Variants in KDM4C observed in about 807,000 individuals in gnomAD.
The protein encoded by KDM4C is lysine-specific demethylase 4C.
In KDM4C, 81 loss-of-function variants were observed where a neutral mutation model predicts 129.3. That is an observed-to-expected ratio of 0.63 (90% CI 0.52 to 0.75). The LOEUF is 0.75. Among genes scored for constraint, KDM4C ranks in the 30% least tolerant of loss-of-function variants. KDM4C has a pLI of 0.00. For synonymous variants in KDM4C, 573 were observed against 456.1 expected (o/e 1.26, Z -3.26); for missense variants, 1,457 against 1,304.0 (o/e 1.12, Z -1.81).
chr9:7,031,649 A>T (rs189954789), intron 15 of KDM4C, among the ~76,000 whole-genome samples: 118 of 152,276 alleles, frequency 7.7e-4, no homozygotes, highest in Middle Eastern at 6.8e-3. Flanking sequence ...ATGTATATAT[A>T]AACAGCCACC....
At chr9:6,854,525 CAAAAAAAAAAA>C (rs1177446839) in intron 5 of KDM4C, among the ~76,000 whole-genome samples, 8 of 41,362 alleles carry the variant, frequency 1.9e-4, no homozygotes, top group East Asian at 6.4e-4. Context: ...AACTCCGTCT[CAAAAAAAAAAA>C]AAAAAAAAAC....
chr9:7,076,067 C>G (rs554804166), intron 17 of KDM4C, among the ~76,000 whole-genome samples: 1 of 152,290 alleles, frequency 6.6e-6, no homozygotes, highest in East Asian at 1.9e-4. Flanking sequence ...GGTGCCATCA[C>G]ATGTGTTATC....
At chr9:6,872,838 T>G (rs189907424) in intron 5 of KDM4C, among the ~76,000 whole-genome samples, 4 of 152,196 alleles carry the variant, frequency 2.6e-5, no homozygotes, top group Non-Finnish European at 5.9e-5. Context: ...GGTCCTATGA[T>G]TTTTAGAATG....
chr9:6,740,303 A>C (rs777502824), intron 1 of KDM4C, among the ~76,000 whole-genome samples: 2 of 151,760 alleles, frequency 1.3e-5, no homozygotes, highest in Non-Finnish European at 2.9e-5. Context: ...TCCCGGGTTC[A>C]CGCCATTCTC....
intron 19 of KDM4C, among the ~76,000 whole-genome samples, chr9:7,136,262 G>A (rs906578309): frequency 1.3e-5 from 2 of 152,036 alleles, no homozygotes; most frequent in Non-Finnish European, 2.9e-5. Context: ...TTCCTGTTTG[G>A]GGCTATTATA....
chr9:6,965,828 C>T (rs1192206664), intron 8 of KDM4C, among the ~76,000 whole-genome samples: 1 of 152,174 alleles, frequency 6.6e-6, no homozygotes, highest in East Asian at 1.9e-4. Flanking sequence ...ATCGGATTAT[C>T]CAAGTATCTA....
intron 2 of KDM4C, among the ~76,000 whole-genome samples, chr9:6,803,140 G>C (rs1459661762): frequency 6.6e-6 from 1 of 152,188 alleles, no homozygotes; most frequent in Non-Finnish European, 1.5e-5. Flanking sequence ...TGGAGGGCCT[G>C]TATCGTGCCA....
At chr9:6,956,089 C>G (rs1437562720) in intron 8 of KDM4C, among the ~76,000 whole-genome samples, 1 of 152,012 alleles carries the variant, frequency 6.6e-6, no homozygotes, top group Non-Finnish European at 1.5e-5. Context: ...AGGATGGTTA[C>G]CAGAGGCTGA....
intron 12 of KDM4C, among the ~76,000 whole-genome samples, chr9:7,006,930 A>G (rs1158670237): frequency 2.6e-5 from 4 of 152,268 alleles, no homozygotes; most frequent in African/African-American, 9.6e-5. Flanking sequence ...AAAATGAAAC[A>G]GTTTATAAAA....
At chr9:7,167,512 A>G (rs551460735) in intron 20 of KDM4C, among the ~76,000 whole-genome samples, 16 of 152,350 alleles carry the variant, frequency 1.1e-4, no homozygotes, top group African/African-American at 3.8e-4. Flanking sequence ...GCCTAGTTCA[A>G]TGTTAAAGAA....
chr9:7,076,487 A>G (rs753663223), intron 17 of KDM4C: 1 of 1,550,222 alleles, frequency 6.5e-7, no homozygotes, highest in Non-Finnish European at 8.7e-7. Context: ...AATAACAATG[A>G]AGGCTCACTG....
chr9:6,804,525 C>A (rs921063056), intron 2 of KDM4C, among the ~76,000 whole-genome samples: 1 of 151,924 alleles, frequency 6.6e-6, no homozygotes, highest in African/African-American at 2.4e-5. Context: ...TTTGGGAGGC[C>A]GAGACGGGTG....
At chr9:7,044,251 A>G (rs1034815264) in intron 15 of KDM4C, among the ~76,000 whole-genome samples, 32 of 151,998 alleles carry the variant, frequency 2.1e-4, no homozygotes, top group Middle Eastern at 3.4e-3. Context: ...TTAATTATTG[A>G]TGAATGGCGC....
intron 15 of KDM4C, among the ~76,000 whole-genome samples, chr9:7,027,882 C>T (rs1384870099): frequency 3.3e-5 from 5 of 152,192 alleles, no homozygotes; most frequent in African/African-American, 1.2e-4. Flanking sequence ...CTACTACAGG[C>T]TCATGGAGAA....
At chr9:6,832,537 T>G (rs1835042939) in intron 4 of KDM4C, among the ~76,000 whole-genome samples, 1 of 145,178 alleles carries the variant, frequency 6.9e-6, no homozygotes, top group Admixed American at 6.9e-5. Flanking sequence ...GCCATTCTCC[T>G]GCCTCAGCCT....
intron 4 of KDM4C, among the ~76,000 whole-genome samples, chr9:6,827,226 C>G (rs1834036304): frequency 6.6e-6 from 1 of 152,214 alleles, no homozygotes; most frequent in Non-Finnish European, 1.5e-5. Context: ...CAGGAAAGCT[C>G]TGTGTTTTTC....
intron 8 of KDM4C, among the ~76,000 whole-genome samples, chr9:6,924,119 T>A (rs1434781711): frequency 6.6e-6 from 1 of 152,224 alleles, no homozygotes; most frequent in African/African-American, 2.4e-5. Flanking sequence ...GCTGGCTTTT[T>A]CTTTTTTTAA....
chr9:7,007,091 GT>G (rs1821811180), intron 12 of KDM4C, among the ~76,000 whole-genome samples: 1 of 152,210 alleles, frequency 6.6e-6, no homozygotes, highest in African/African-American at 2.4e-5. Context: ...TCACAGTAGT[GT>G]TTGTTTAGGC....
chr9:6,864,397 G>A (rs971166123), intron 5 of KDM4C, among the ~76,000 whole-genome samples: 7 of 152,204 alleles, frequency 4.6e-5, no homozygotes, highest in African/African-American at 1.4e-4. Context: ...TCCTTTATAT[G>A]TCATTGCTTC....
Sources: allele counts gnomAD v4.1 joint callset (sites outside exome capture counted in the v4.1 genomes callset), GRCh38; gene constraint gnomAD v4.1.1; transcripts MANE v1.5; gene names NCBI Gene and HGNC (gene_info 2026-07-23, HGNC 2026-07-21).